LMBR1: variants seen among roughly 807,000 people sequenced by gnomAD.
LMBR1 encodes limb development membrane protein 1.
Under a neutral mutation model 73.9 loss-of-function variants are expected in LMBR1, and 52 were observed. The ratio of observed to expected loss-of-function variants is 0.70; its 90% CI spans 0.56 to 0.89. LMBR1 has a LOEUF of 0.89. Among genes scored for constraint, LMBR1 ranks in the 40% least tolerant of loss-of-function variants. The pLI, the probability that LMBR1 is intolerant of heterozygous loss-of-function variation, is 0.00. For synonymous variants in LMBR1, 215 were observed against 209.4 expected (o/e 1.03, Z -0.23); for missense variants, 539 against 579.8 (o/e 0.93, Z 0.72).
At chr7:156,698,713 C>T (rs1283641024) in intron 15 of LMBR1, among the ~76,000 whole-genome samples, 1 of 152,210 alleles carries the variant, frequency 6.6e-6, no homozygotes, top group African/African-American at 2.4e-5. Context: ...GGTCCAGCCC[C>T]ATGAAACCAC....
intron 5 of LMBR1, among the ~76,000 whole-genome samples, chr7:156,772,002 G>A (rs112641938): frequency 0.035 from 5,343 of 152,258 alleles, 176 homozygotes; most frequent in East Asian, 0.15. Flanking sequence ...TCAGCCAGGC[G>A]TGGTGGCTCA....
At chr7:156,825,686 G>T (rs1835560751) in intron 4 of LMBR1, among the ~76,000 whole-genome samples, 1 of 152,160 alleles carries the variant, frequency 6.6e-6, no homozygotes, top group South Asian at 2.1e-4. Context: ...TCTTCAGAAA[G>T]AAAACACCTC....
chr7:156,851,661 A>T (rs1384713847), intron 1 of LMBR1, among the ~76,000 whole-genome samples: 4 of 152,156 alleles, frequency 2.6e-5, no homozygotes, highest in Admixed American at 1.3e-4. Flanking sequence ...GGAGAGAGAA[A>T]AAGTAAAGAT....
intron 1 of LMBR1, among the ~76,000 whole-genome samples, chr7:156,863,069 T>A (rs1797953425): frequency 6.6e-6 from 1 of 152,154 alleles, no homozygotes; most frequent in Non-Finnish European, 1.5e-5. Context: ...CTAATTGCAT[T>A]GGTCAGGGTT....
chr7:156,817,613 C>G (rs1013031405), intron 4 of LMBR1, among the ~76,000 whole-genome samples: 1 of 151,940 alleles, frequency 6.6e-6, no homozygotes, highest in Non-Finnish European at 1.5e-5. Flanking sequence ...TAACAACTAC[C>G]AATGAAATGT....
At chr7:156,691,813 A>AG (rs1807243018) in intron 15 of LMBR1, among the ~76,000 whole-genome samples, 2 of 152,108 alleles carry the variant, frequency 1.3e-5, no homozygotes, top group Non-Finnish European at 2.9e-5. Context: ...TTCCTTCTGA[A>AG]CTCAAAGGTT....
Position 156,811,853 on chromosome 7 carries a change from G to A in LMBR1, c.319+14752C>T, listed in dbSNP as rs116170213. ...CTAGAAGTCTGAAATCAAGGTGTCA[G>A]CAGGACCACGCTCCTTCCAAAGTCT... On this transcript the variant is annotated intron_variant, in intron 4 of 16. Transcript: ENST00000353442. Among the ~76,000 whole-genome samples, 399 of 152,262 alleles carry A rather than the reference G, an allele frequency of 2.6e-3. 4 individuals are homozygous for A. The highest frequency in any genetic ancestry group is 9.0e-3 in the African/African-American group (374 of 41,560).
chr7:156,884,344 T>C (rs1375519504), intron 1 of LMBR1, among the ~76,000 whole-genome samples: 1 of 151,752 alleles, frequency 6.6e-6, no homozygotes, highest in Non-Finnish European at 1.5e-5. Flanking sequence ...AAGACCATGA[T>C]GGATAAAGAC....
At chr7:156,827,218 T>C (rs1033865091) in intron 3 of LMBR1, among the ~76,000 whole-genome samples, 25 of 152,102 alleles carry the variant, frequency 1.6e-4, no homozygotes, top group African/African-American at 5.3e-4. Flanking sequence ...TAGAAAGCCA[T>C]TGGCCTGACA....
At position 156,692,130 on chromosome 7, in the gene LMBR1, C is replaced by T. The variant is rs1585208192; in HGVS notation, c.1226-3939G>A. On this transcript the variant is annotated intron_variant, in intron 15 of 16. Coordinates refer to ENST00000353442, the MANE Select transcript of LMBR1 (RefSeq NM_022458.4). Reference sequence around the variant, plus strand: ...TGCACTTGTCGCCCAGGCTGGAGTGCAGCAGCGCGATCTCAGCTCACTGCA... The same window carrying T: ...TGCACTTGTCGCCCAGGCTGGAGTGTAGCAGCGCGATCTCAGCTCACTGCA... Among the ~76,000 whole-genome samples, 10 of 152,214 alleles carry T rather than the reference C, an allele frequency of 6.6e-5. 2 individuals carry two copies. The highest frequency in any genetic ancestry group is 6.5e-5 in the Admixed American group (1 of 15,292).
At chr7:156,781,231 T>C (rs1015243166) in intron 5 of LMBR1, among the ~76,000 whole-genome samples, 1 of 152,202 alleles carries the variant, frequency 6.6e-6, no homozygotes, top group African/African-American at 2.4e-5. Context: ...CGTGACAATT[T>C]AGGTAATAAC....
At chr7:156,760,571 A>G (rs951942864) in intron 8 of LMBR1, among the ~76,000 whole-genome samples, 1 of 152,012 alleles carries the variant, frequency 6.6e-6, no homozygotes, top group African/African-American at 2.4e-5. Flanking sequence ...ACAAACAAAC[A>G]AACAACAACA....
chr7:156,880,603 CATA>C (rs1415902625), intron 1 of LMBR1, among the ~76,000 whole-genome samples: 1 of 152,016 alleles, frequency 6.6e-6, no homozygotes, highest in African/African-American at 2.4e-5. Context: ...TCAAAATATC[CATA>C]ATACCCAAGC....
downstream of LMBR1, among the ~76,000 whole-genome samples, chr7:156,675,135 G>A (rs1803537635): frequency 6.6e-6 from 1 of 152,098 alleles, no homozygotes; most frequent in Non-Finnish European, 1.5e-5. Flanking sequence ...AGGCAGCGGC[G>A]ACCCGAAGGG....
intron 1 of LMBR1, among the ~76,000 whole-genome samples, chr7:156,889,566 T>A (rs1208709908): frequency 1.3e-5 from 2 of 152,146 alleles, no homozygotes; most frequent in Non-Finnish European, 2.9e-5. Context: ...GCTGGTTCTG[T>A]AGAAGATGGA....
chr7:156,851,821 T>C (rs1796281065), intron 1 of LMBR1, among the ~76,000 whole-genome samples: 1 of 152,172 alleles, frequency 6.6e-6, no homozygotes, highest in Non-Finnish European at 1.5e-5. Flanking sequence ...CTTAGATCTA[T>C]GAAAAAATTA....
chr7:156,841,964 G>GTTA (rs1316464035), intron 1 of LMBR1, among the ~76,000 whole-genome samples: 1 of 140,446 alleles, frequency 7.1e-6, no homozygotes, highest in Non-Finnish European at 1.6e-5. Flanking sequence ...AATTGCTGAA[G>GTTA]TTATGTGCTC....
At chr7:156,886,036 C>A (rs1356283043) in intron 1 of LMBR1, among the ~76,000 whole-genome samples, 1 of 136,268 alleles carries the variant, frequency 7.3e-6, no homozygotes, top group Non-Finnish European at 1.6e-5. Flanking sequence ...TGAGACTCTG[C>A]CTCAAAAAAA....
At chr7:156,783,415 G>A (rs562119826) in intron 5 of LMBR1, among the ~76,000 whole-genome samples, 3 of 152,230 alleles carry the variant, frequency 2.0e-5, no homozygotes, top group South Asian at 2.1e-4. Flanking sequence ...CTGGCCTCCT[G>A]CGATTCTCCC....
Sources: allele counts gnomAD v4.1 joint callset (sites outside exome capture counted in the v4.1 genomes callset), GRCh38; gene constraint gnomAD v4.1.1; transcripts MANE v1.5; gene names NCBI Gene and HGNC (gene_info 2026-07-23, HGNC 2026-07-21).